XRRA1: variants seen among roughly 807,000 people sequenced by gnomAD.
XRRA1 encodes the protein X-ray radiation resistance-associated protein 1.
XRRA1 carries 69 observed loss-of-function variants against 80.2 expected under a neutral mutation model. That is an observed-to-expected ratio of 0.86 (90% CI 0.71 to 1.05). The LOEUF (loss-of-function observed/expected upper bound fraction) is 1.05, where lower values mean the gene tolerates loss of function less well. Ranked by LOEUF, XRRA1 falls within the 50% of genes least tolerant of loss-of-function variation. The pLI, the probability that XRRA1 is intolerant of heterozygous loss-of-function variation, is 0.00. For synonymous variants in XRRA1, 348 were observed against 389.9 expected (o/e 0.89, Z 1.27); for missense variants, 967 against 976.4 (o/e 0.99, Z 0.13).
chr11:74,915,212 G>A (rs747002846), intron 8 of XRRA1, among the ~76,000 whole-genome samples: 12 of 152,108 alleles, frequency 7.9e-5, no homozygotes, highest in African/African-American at 1.2e-4. Context: ...ACTGATTCAC[G>A]GGCAGTGGCT....
chr11:74,854,785 C>T (rs1407957251), intron 12 of XRRA1, among the ~76,000 whole-genome samples: 2 of 151,888 alleles, frequency 1.3e-5, no homozygotes, highest in Non-Finnish European at 2.9e-5. Flanking sequence ...TTTGGGAGGC[C>T]GAGGCAAGTG....
chr11:74,879,273 G>A (rs1485452009), intron 10 of XRRA1, among the ~76,000 whole-genome samples: 9 of 150,420 alleles, frequency 6.0e-5, no homozygotes, highest in Admixed American at 2.0e-4. Flanking sequence ...TTTGTCTGTT[G>A]TTGGTGTATA....
intron 7 of XRRA1, among the ~76,000 whole-genome samples, chr11:74,924,786 T>C (rs1265500925): frequency 6.6e-6 from 1 of 152,166 alleles, no homozygotes; most frequent in Non-Finnish European, 1.5e-5. Context: ...TAAGCTGAGA[T>C]TGTGCCACTT....
chr11:74,889,744 G>A (rs532507358), intron 10 of XRRA1, among the ~76,000 whole-genome samples: 1 of 152,056 alleles, frequency 6.6e-6, no homozygotes, highest in African/African-American at 2.4e-5. Flanking sequence ...AAAAGGCAGG[G>A]GTTGCAATTC....
intron 10 of XRRA1, among the ~76,000 whole-genome samples, chr11:74,881,290 C>T (rs2136695241): frequency 6.6e-6 from 1 of 151,224 alleles, no homozygotes; most frequent in East Asian, 1.9e-4. Flanking sequence ...GCAACCCCTG[C>T]CTTTTTTTTG....
chr11:74,927,614 A>G (rs1339572918), intron 6 of XRRA1, 126 bp from the exon 7 acceptor site: 1 of 549,006 alleles, frequency 1.8e-6, no homozygotes, highest in East Asian at 3.1e-5. Context: ...CTTTACATAC[A>G]TGGCCTCTAA....
At chr11:74,940,986 G>A (rs763356087) in intron 2 of XRRA1, 104 bp from the exon 3 acceptor site, 21 of 784,532 alleles carry the variant, frequency 2.7e-5, no homozygotes, top group Non-Finnish European at 3.8e-5. Context: ...CACCACACCC[G>A]CACACACCCT....
Position 74,860,266 on chromosome 11 carries a change from G to C in XRRA1, c.1045-983C>G, listed in dbSNP as rs554302860. Among the ~76,000 whole-genome samples, 6 of 152,358 alleles carry C rather than the reference G, an allele frequency of 3.9e-5. No homozygotes were observed. The South Asian group carries it at 1.0e-3, about 26-fold the overall frequency. On this transcript the variant is annotated intron_variant, in intron 11 of 18. Transcript: ENST00000684022. Reference sequence around the variant, plus strand: ...ACCAGCGACTGTGTTTGGGAACTCAGATGACTCGCCTCTCCCAGTGATCCC... The same window carrying C: ...ACCAGCGACTGTGTTTGGGAACTCACATGACTCGCCTCTCCCAGTGATCCC...
chr11:74,935,060 T>C (rs1406273117), intron 4 of XRRA1, among the ~76,000 whole-genome samples: 1 of 152,214 alleles, frequency 6.6e-6, no homozygotes, highest in Non-Finnish European at 1.5e-5. Context: ...AAACCAATCA[T>C]GGAGGTCTCA....
intron 10 of XRRA1, among the ~76,000 whole-genome samples, chr11:74,898,129 AGTGTT>A (rs1420590217): frequency 6.6e-6 from 1 of 152,080 alleles, no homozygotes; most frequent in Non-Finnish European, 1.5e-5. Flanking sequence ...ACAAAGTTAA[AGTGTT>A]GAGTTTTTGT....
Position 74,859,251 on chromosome 11 carries a change from G to A in XRRA1, c.1077C>T (p.Phe359=), listed in dbSNP as rs748371055. 7.5e-6 allele frequency: 12 copies of A among 1,609,632 alleles called. No homozygotes were observed. The highest frequency in any genetic ancestry group is 4.4e-5 in the South Asian group (4 of 90,044). The stretch of plus-strand genomic sequence containing the variant: ...TCAGTGACTTCACAGGAAGGATCTC[G>A]AATATGGGAGGAAGTGAACATATCT... ...TTKICSLPPI[F]EILPVKSLKA... is the part of the protein sequence containing the mutation. The change falls in exon 12 of 19, where the codon TTC becomes TTT. Residue 359 remains phenylalanine, a synonymous_variant. Coordinates refer to ENST00000684022, the MANE Select transcript of XRRA1 (RefSeq NM_001378157.1).
chr11:74,883,513 T>G (rs1217706002), intron 10 of XRRA1, among the ~76,000 whole-genome samples: 2 of 151,894 alleles, frequency 1.3e-5, no homozygotes, highest in Admixed American at 1.3e-4. Context: ...GAGCTGTTCC[T>G]ATTCGGCCAT....
chr11:74,881,014 C>T (rs1374786398), intron 10 of XRRA1, among the ~76,000 whole-genome samples: 1 of 144,988 alleles, frequency 6.9e-6, no homozygotes, highest in African/African-American at 2.6e-5. Flanking sequence ...TCCTGGGTAT[C>T]CTTGTTGACT....
At chr11:74,852,317 G>A (rs182265658) in intron 12 of XRRA1, among the ~76,000 whole-genome samples, 3 of 152,158 alleles carry the variant, frequency 2.0e-5, no homozygotes, top group Admixed American at 1.3e-4. Flanking sequence ...TCACTGTTGC[G>A]TGTTTAAGAG....
chr11:74,882,380 T>C (rs931488684), intron 10 of XRRA1, among the ~76,000 whole-genome samples: 1 of 151,188 alleles, frequency 6.6e-6, no homozygotes, highest in Admixed American at 6.6e-5. Context: ...TAAGCACTTC[T>C]CTGTATTGGT....
At chr11:74,914,579 C>A (rs949324532) in intron 8 of XRRA1, among the ~76,000 whole-genome samples, 6 of 152,124 alleles carry the variant, frequency 3.9e-5, no homozygotes, top group Non-Finnish European at 7.3e-5. Flanking sequence ...TTACTACTGT[C>A]CCTTTTCCCT....
intron 4 of XRRA1, 48 bp downstream of exon 4, chr11:74,936,836 C>T: frequency 6.4e-7 from 1 of 1,563,324 alleles, no homozygotes; most frequent in South Asian, 1.2e-5. Flanking sequence ...CCACTTCCTC[C>T]CCACCCTAGC....
chr11:74,856,273 G>C (rs1323545586), intron 12 of XRRA1, among the ~76,000 whole-genome samples: 1 of 152,130 alleles, frequency 6.6e-6, no homozygotes, highest in Non-Finnish European at 1.5e-5. Flanking sequence ...AGCACATTCT[G>C]GTAATAGATA....
At chr11:74,876,377 T>G (rs1330843820) in intron 10 of XRRA1, 1 of 152,234 alleles carries the variant, frequency 6.6e-6, no homozygotes, top group Non-Finnish European at 1.5e-5. Context: ...TGACCCCGTT[T>G]TAAATGCTGT....
Sources: allele counts gnomAD v4.1 joint callset (sites outside exome capture counted in the v4.1 genomes callset), GRCh38; gene constraint gnomAD v4.1.1; transcripts MANE v1.5; gene names NCBI Gene and HGNC (gene_info 2026-07-23, HGNC 2026-07-21).